Variants in TDRP observed in about 807,000 individuals in gnomAD.
The protein encoded by TDRP is testis development-related protein.
In TDRP, 12 loss-of-function variants were observed where a neutral mutation model predicts 10.5. The ratio of observed to expected loss-of-function variants is 1.15; its 90% CI spans 0.73 to 1.86. TDRP has a LOEUF of 1.86. Among genes scored for constraint, TDRP ranks in the 40% most tolerant of loss-of-function variants. TDRP has a pLI of 0.00. For missense variants in TDRP, 353 were observed against 229.2 expected, an observed-to-expected ratio of 1.54 and a Z score of -3.49; for synonymous variants, 139 against 95.4, an observed-to-expected ratio of 1.46 and a Z score of -2.67.
intron 1 of TDRP, among the ~76,000 whole-genome samples, chr8:512,452 A>T (rs1801645723): frequency 6.6e-6 from 1 of 152,130 alleles, no homozygotes; most frequent in African/African-American, 2.4e-5. Flanking sequence ...AAAAAAAATC[A>T]GCAAAATTGA....
intron 1 of TDRP, among the ~76,000 whole-genome samples, chr8:533,787 TA>T (rs1375733280): frequency 1.3e-5 from 2 of 152,138 alleles, no homozygotes; most frequent in Non-Finnish European, 2.9e-5. Context: ...GGGAAGTATA[TA>T]AAGTATAGGG....
chr8:530,797 AG>A (rs1458225946), intron 1 of TDRP, among the ~76,000 whole-genome samples: 1 of 152,146 alleles, frequency 6.6e-6, no homozygotes, highest in African/African-American at 2.4e-5. Context: ...TCTCTTGGGC[AG>A]TCCCCCTGAA....
chr8:539,037 T>G (rs941418024), intron 1 of TDRP, among the ~76,000 whole-genome samples: 1 of 151,882 alleles, frequency 6.6e-6, no homozygotes, highest in Non-Finnish European at 1.5e-5. Flanking sequence ...AGAAAGAGAC[T>G]AGAAATATCC....
chr8:511,976 ATAACT>A (rs1801632090), intron 1 of TDRP, among the ~76,000 whole-genome samples: 1 of 152,240 alleles, frequency 6.6e-6, no homozygotes, highest in Non-Finnish European at 1.5e-5. Context: ...TATCAAATCA[ATAACT>A]TAAACTTCTA....
Position 515,659 on chromosome 8 carries a change from G to C in TDRP, c.109-21062C>G, listed in dbSNP as rs892010270. ...CCCACTGATGTCAGGAAGAGGATTG[G>C]GCAGCCTCTAACATTACTACTTACT... is the stretch of plus-strand genomic sequence containing the variant. On this transcript the variant is annotated intron_variant, in intron 1 of 2. Coordinates refer to ENST00000324079, the MANE Select transcript of TDRP (RefSeq NM_001384899.1). Among the ~76,000 whole-genome samples, 39 of 152,098 alleles carry C rather than the reference G, an allele frequency of 2.6e-4. 1 individual carries two copies. The highest frequency in any genetic ancestry group is 8.5e-4 in the African/African-American group (35 of 41,420).
At chr8:494,747 C>G in intron 1 of TDRP, 150 bp from the exon 2 acceptor site, 1 of 652,760 alleles carries the variant, frequency 1.5e-6, no homozygotes, top group Non-Finnish European at 2.6e-6. Flanking sequence ...ACATAGTTTA[C>G]TCCCATTAGC....
intron 1 of TDRP, among the ~76,000 whole-genome samples, chr8:498,789 G>A (rs923992474): frequency 2.6e-5 from 4 of 152,130 alleles, no homozygotes; most frequent in Admixed American, 6.5e-5. Context: ...CTGGTGGGAC[G>A]TGACTGGATC....
intron 1 of TDRP, among the ~76,000 whole-genome samples, chr8:523,284 T>C (rs1296897066): frequency 6.6e-6 from 1 of 152,240 alleles, no homozygotes; most frequent in African/African-American, 2.4e-5. Context: ...TATTACTTTA[T>C]GTCTCCCCTT....
chr8:539,354 A>G (rs1802431979), intron 1 of TDRP, among the ~76,000 whole-genome samples: 1 of 152,220 alleles, frequency 6.6e-6, no homozygotes, highest in African/African-American at 2.4e-5. Flanking sequence ...CCCCTCACCA[A>G]GAACGAAGCA....
At chr8:498,889 C>G (rs1012487470) in intron 1 of TDRP, among the ~76,000 whole-genome samples, 4 of 151,296 alleles carry the variant, frequency 2.6e-5, no homozygotes, top group Admixed American at 6.6e-5. Flanking sequence ...TCCCTGTTCT[C>G]TCTCTCTCTC....
At chr8:529,924 C>T (rs2116850694) in intron 1 of TDRP, among the ~76,000 whole-genome samples, 1 of 152,202 alleles carries the variant, frequency 6.6e-6, no homozygotes, top group South Asian at 2.1e-4. Flanking sequence ...CATTTTCTTC[C>T]TCATATTTGG....
intron 1 of TDRP, among the ~76,000 whole-genome samples, chr8:502,524 G>C (rs1220093739): frequency 6.6e-6 from 1 of 152,182 alleles, no homozygotes; most frequent in South Asian, 2.1e-4. Flanking sequence ...CAAAAAACTA[G>C]CTCGGGTGAC....
chr8:501,259 G>A (rs187688774), intron 1 of TDRP, among the ~76,000 whole-genome samples: 23 of 152,186 alleles, frequency 1.5e-4, no homozygotes, highest in Middle Eastern at 6.8e-3. Flanking sequence ...TCAGCTCACT[G>A]CATGCCACAT....
At position 491,136 on chromosome 8, in the gene TDRP, T is replaced by TA. The variant is rs1800960478; in HGVS notation, c.*1262dup. 1 of 152,858 alleles carries TA rather than the reference T, an allele frequency of 6.5e-6. No homozygotes were observed. Among genetic ancestry groups the TA allele is most frequent in the African/African-American group, 2.4e-5 (1 of 41,502 alleles). The allele number at this position is 152,858 out of a possible 1,614,324, so 9.5% of individuals were successfully genotyped here. ...TGTTCTGCCATCAGGCACACTCAGT[T>TA]ATTCCACAGGAACAAACGGAAGGAA... On this transcript the variant is annotated 3_prime_UTR_variant, in exon 3 of 3. Coordinates refer to ENST00000324079, the MANE Select transcript of TDRP (RefSeq NM_001384899.1).
chr8:508,708 C>T (rs563026135), intron 1 of TDRP, among the ~76,000 whole-genome samples: 4 of 152,190 alleles, frequency 2.6e-5, no homozygotes, highest in African/African-American at 7.2e-5. Context: ...CCACCCCTGG[C>T]CCCTCCCAAA....
At chr8:513,039 A>G (rs775523214) in intron 1 of TDRP, among the ~76,000 whole-genome samples, 3 of 151,940 alleles carry the variant, frequency 2.0e-5, no homozygotes, top group Non-Finnish European at 2.9e-5. Flanking sequence ...AGAAAAGCTC[A>G]GGCCCAGATA....
chr8:540,495 C>G (rs6558894), intron 1 of TDRP, among the ~76,000 whole-genome samples: 121,721 of 152,090 alleles, frequency 0.8, 48,852 homozygotes, highest in Admixed American at 0.87. Context: ...ACAATCTCAA[C>G]AAATATTTTA....
At chr8:545,584 G>T (rs886207999), upstream of TDRP, 1 of 152,252 alleles carries the variant, frequency 6.6e-6, no homozygotes, top group African/African-American at 2.4e-5. Flanking sequence ...GAAGGTGGAG[G>T]GGGCACAGTC....
chr8:519,806 A>G (rs750477754), intron 1 of TDRP, among the ~76,000 whole-genome samples: 1 of 152,224 alleles, frequency 6.6e-6, no homozygotes, highest in South Asian at 2.1e-4. Flanking sequence ...GTCAAGTGGT[A>G]TGTGACCCAC....
Sources: gnomAD v4.1 joint callset for allele counts (sites outside exome capture counted in the v4.1 genomes callset) on GRCh38, gnomAD v4.1.1 for gene constraint, MANE v1.5 for transcripts, NCBI Gene and HGNC (gene_info 2026-07-23, HGNC 2026-07-21) for gene names.